PRKAR1A: variants seen among roughly 807,000 people sequenced by gnomAD.
PRKAR1A encodes cAMP-dependent protein kinase type I-alpha regulatory subunit.
A neutral mutation model predicts 52.0 loss-of-function variants in PRKAR1A; 3 were observed. The observed-to-expected ratio is 0.06, with a 90% confidence interval of 0.03 to 0.15. PRKAR1A has a LOEUF of 0.15. PRKAR1A is among the 10% of genes least tolerant of loss of function. The pLI is 1.00. For synonymous variants in PRKAR1A, 188 were observed against 168.4 expected, an observed-to-expected ratio of 1.12 and a Z score of -0.90; for missense variants, 240 against 477.4, an observed-to-expected ratio of 0.50 and a Z score of 4.63.
At chr17:68,496,633 T>G in the PRKAR1A span, among the ~76,000 whole-genome samples, 1 of 152,164 alleles carries the variant, frequency 6.6e-6, no homozygotes, top group Non-Finnish European at 1.5e-5. Flanking sequence ...CTGCAGTCTG[T>G]GAGCTCCTAT....
chr17:68,540,570 G>A, intron 11 of PRKAR1A: 1 of 543,742 alleles, frequency 1.8e-6, no homozygotes, highest in South Asian at 1.5e-5. Flanking sequence ...ACTTGGTGAA[G>A]TGAACATACA....
upstream of PRKAR1A, among the ~76,000 whole-genome samples, chr17:68,507,535 G>A (rs1194528704): frequency 6.6e-6 from 1 of 152,122 alleles, no homozygotes; most frequent in Non-Finnish European, 1.5e-5. Flanking sequence ...AATGCGTGTG[G>A]GTCTTAATAC....
chr17:68,480,390 A>T, the PRKAR1A span, among the ~76,000 whole-genome samples: 1 of 152,152 alleles, frequency 6.6e-6, no homozygotes, highest in African/African-American at 2.4e-5. Context: ...CCCCAGGGAT[A>T]TCATTATCCC....
chr17:68,426,238 C>CGTTT, the PRKAR1A span: 1 of 615,200 alleles, frequency 1.6e-6, no homozygotes, highest in Non-Finnish European at 2.3e-6. Flanking sequence ...CATGACCTGG[C>CGTTT]GGGTGGGGAG....
chr17:68,476,412 T>G, the PRKAR1A span, among the ~76,000 whole-genome samples: 5 of 152,182 alleles, frequency 3.3e-5, no homozygotes, highest in Non-Finnish European at 7.3e-5. Context: ...AAAAGAGATA[T>G]TTTTAGAAAT....
At chr17:68,450,428 A>G in the PRKAR1A span, among the ~76,000 whole-genome samples, 9 of 152,312 alleles carry the variant, frequency 5.9e-5, no homozygotes, top group South Asian at 1.7e-3. Flanking sequence ...GGGACTGTCC[A>G]AGCCAGAGCT....
At chr17:68,486,471 C>CTCCTTCCTTCCTTCCTTCCTTCCTTCCT in the PRKAR1A span, among the ~76,000 whole-genome samples, 1 of 97,536 alleles carries the variant, frequency 1.0e-5, no homozygotes, top group African/African-American at 4.3e-5. Flanking sequence ...CTTTCTTTCT[C>CTCCTTCCTTCCTTCCTTCCTTCCTTCCT]TCCTTCCTTC....
chr17:68,512,138 G>A (rs915456967), upstream of PRKAR1A: 2 of 154,038 alleles, frequency 1.3e-5, no homozygotes, highest in African/African-American at 4.8e-5. Flanking sequence ...CCCAGAGAGG[G>A]ACAGGTAAGG....
the PRKAR1A span, among the ~76,000 whole-genome samples, chr17:68,505,904 T>C: frequency 2.0e-5 from 3 of 152,198 alleles, no homozygotes; most frequent in Non-Finnish European, 2.9e-5. Flanking sequence ...GGGAAAACCA[T>C]GTATGGAGGG....
At chr17:68,413,814 T>A in the PRKAR1A span, 105 of 154,624 alleles carry the variant, frequency 6.8e-4, no homozygotes, top group Middle Eastern at 0.013. Flanking sequence ...TGTAATCTCC[T>A]GGTGCGCCGT....
chr17:68,511,891 G>A (rs544535497), upstream of PRKAR1A: 9 of 152,152 alleles, frequency 5.9e-5, no homozygotes, highest in African/African-American at 1.9e-4. Context: ...TCCCCGCCCC[G>A]GCCCGGGGCC....
chr17:68,499,862 C>T, the PRKAR1A span, among the ~76,000 whole-genome samples: 5 of 152,206 alleles, frequency 3.3e-5, no homozygotes, highest in African/African-American at 7.2e-5. Flanking sequence ...AGCCCAGGCT[C>T]GCCATGCAGT....
chr17:68,491,861 C>T, the PRKAR1A span, among the ~76,000 whole-genome samples: 6 of 152,064 alleles, frequency 3.9e-5, no homozygotes, highest in South Asian at 4.2e-4. Context: ...GGACAAACTG[C>T]TTCAAAAGCC....
intron 2 of PRKAR1A, among the ~76,000 whole-genome samples, chr17:68,522,358 G>T (rs989601628): frequency 1.3e-5 from 2 of 152,104 alleles, no homozygotes; most frequent in African/African-American, 4.8e-5. Context: ...TTGGCAGGAG[G>T]GTCTCTTGCT....
the PRKAR1A span, among the ~76,000 whole-genome samples, chr17:68,506,338 C>T: frequency 6.6e-6 from 1 of 152,182 alleles, no homozygotes; most frequent in African/African-American, 2.4e-5. Flanking sequence ...CATTATATCC[C>T]AGACACCTTT....
At chr17:68,465,475 G>C in the PRKAR1A span, among the ~76,000 whole-genome samples, 2 of 151,836 alleles carry the variant, frequency 1.3e-5, no homozygotes, top group Admixed American at 1.3e-4. Context: ...TTATTTTTTA[G>C]ATGGAGTCTC....
At chr17:68,449,468 A>G in the PRKAR1A span, among the ~76,000 whole-genome samples, 1 of 152,206 alleles carries the variant, frequency 6.6e-6, no homozygotes, top group South Asian at 2.1e-4. Context: ...TATGATTCAG[A>G]TCAGTGTCCC....
chr17:68,486,490 CTTCCTTCCTTCCTTCCTTCT>C, the PRKAR1A span, among the ~76,000 whole-genome samples: 2,583 of 67,088 alleles, frequency 0.039, 37 homozygotes, highest in East Asian at 0.082. Flanking sequence ...TCCTTCCTTC[CTTCCTTCCTTCCTTCCTTCT>C]TTCTTTCTTT....
chr17:68,444,210 A>C, the PRKAR1A span, among the ~76,000 whole-genome samples: 1 of 152,180 alleles, frequency 6.6e-6, no homozygotes, highest in Non-Finnish European at 1.5e-5. Flanking sequence ...GAAATCTTTT[A>C]CATGTCTACC....
Sources: gnomAD v4.1 joint callset for allele counts (sites outside exome capture counted in the v4.1 genomes callset) on GRCh38, gnomAD v4.1.1 for gene constraint, MANE v1.5 for transcripts, NCBI Gene and HGNC (gene_info 2026-07-23, HGNC 2026-07-21) for gene names.